SLC30A7: variants seen among roughly 807,000 people sequenced by gnomAD.
SLC30A7 encodes zinc transporter 7.
Under a neutral mutation model 46.0 loss-of-function variants are expected in SLC30A7, and 35 were observed. The ratio of observed to expected loss-of-function variants is 0.76; its 90% CI spans 0.58 to 1.01. The LOEUF (loss-of-function observed/expected upper bound fraction) is 1.01. SLC30A7 is among the 50% of genes least tolerant of loss of function. The pLI, the probability that SLC30A7 is intolerant of heterozygous loss-of-function variation, is 0.00. For missense variants in SLC30A7, 464 were observed against 451.1 expected (o/e 1.03, Z -0.26); for synonymous variants, 147 against 157.8 (o/e 0.93, Z 0.51).
At chr1:100,906,237 A>G (rs749053044) in intron 2 of SLC30A7, among the ~76,000 whole-genome samples, 18 of 152,096 alleles carry the variant, frequency 1.2e-4, no homozygotes, top group Non-Finnish European at 1.5e-4. Context: ...AGTTCTGCAC[A>G]TATCTCTTTG....
At chr1:100,904,772 T>C (rs892785823) in intron 2 of SLC30A7, among the ~76,000 whole-genome samples, 5 of 152,210 alleles carry the variant, frequency 3.3e-5, no homozygotes, top group African/African-American at 1.2e-4. Flanking sequence ...CTGCTGTTGC[T>C]TGTTACTCAG....
intron 8 of SLC30A7, among the ~76,000 whole-genome samples, chr1:100,952,868 T>C (rs1407411662): frequency 6.6e-6 from 1 of 152,232 alleles, no homozygotes; most frequent in Non-Finnish European, 1.5e-5. Flanking sequence ...GAGGAAATGA[T>C]AGGGTTTGAA....
At chr1:100,931,091 A>G (rs1653638290) in intron 8 of SLC30A7, among the ~76,000 whole-genome samples, 2 of 152,134 alleles carry the variant, frequency 1.3e-5, no homozygotes, top group South Asian at 2.1e-4. Context: ...GGGTTTTATA[A>G]TACTGGAAAG....
the SLC30A7 span, among the ~76,000 whole-genome samples, chr1:100,988,790 C>T: frequency 6.6e-6 from 1 of 151,954 alleles, no homozygotes; most frequent in South Asian, 2.1e-4. Context: ...GCAGAGGTTG[C>T]AGTGAGCCAA....
chr1:100,899,541 C>T (rs1005596131), intron 2 of SLC30A7, among the ~76,000 whole-genome samples: 1 of 152,034 alleles, frequency 6.6e-6, no homozygotes, highest in Non-Finnish European at 1.5e-5. Flanking sequence ...TTTCAAGTTA[C>T]AGAAAAACTC....
rs188791561 is a variant in SLC30A7, at chr1:100,933,129, T to C, written c.842+11288T>C. Among the ~76,000 whole-genome samples the C allele has an allele frequency of 6.5e-3, 990 of 151,498 alleles. 17 individuals are homozygous for C. Among genetic ancestry groups the C allele is most frequent in the African/African-American group, 0.021 (862 of 41,308 alleles). On this transcript the variant is annotated intron_variant, in intron 8 of 10. Coordinates refer to ENST00000357650, the MANE Select transcript of SLC30A7 (RefSeq NM_133496.5). ...TAGCTGGGATTACAGGCGTGCACCA[T>C]CACACCCAGCTAATTTTTGTATTTT...
intron 8 of SLC30A7, among the ~76,000 whole-genome samples, chr1:100,945,717 A>G (rs1418751313): frequency 6.6e-6 from 1 of 152,060 alleles, no homozygotes. Flanking sequence ...AAGTCAGGTA[A>G]CGTGATGCCT....
chr1:100,993,553 A>AATATAAATATATATATATATAT, the SLC30A7 span, among the ~76,000 whole-genome samples: 7 of 35,912 alleles, frequency 1.9e-4, no homozygotes, highest in African/African-American at 6.1e-4. Flanking sequence ...CTCTGTCGAA[A>AATATAAATATATATATATATAT]ATATAAATAT....
At chr1:100,995,393 A>C in the SLC30A7 span, 4 of 386,284 alleles carry the variant, frequency 1.0e-5, no homozygotes, top group South Asian at 1.2e-4. Context: ...TTTGGAAAAG[A>C]AGACAAGGGA....
intron 8 of SLC30A7, among the ~76,000 whole-genome samples, chr1:100,957,580 T>G (rs1655293022): frequency 6.6e-6 from 1 of 152,068 alleles, no homozygotes; most frequent in Non-Finnish European, 1.5e-5. Context: ...GTGATTTGCT[T>G]AAAGCTATTT....
chr1:100,906,904 T>G lies in SLC30A7; in HGVS notation c.235T>G (p.Leu79Val), dbSNP rs772863334. 5 of 1,613,586 alleles carry G rather than the reference T, an allele frequency of 3.1e-6. No individual in the cohort carries two copies. The highest frequency in any genetic ancestry group is 8.5e-7 in the Non-Finnish European group (1 of 1,179,704). ...FHMFFDSTAI[L>V]AGLAASVISK... ...CATGTTTTTCGATAGCACTGCCATT[T>G]TGGCTGGACTGGCAGCTTCTGTTAT... is the stretch of plus-strand genomic sequence containing the variant. The change falls in exon 3 of 11, where the codon TTG (leucine) becomes GTG (valine). Residue 79 changes from leucine to valine, a missense_variant. Physicochemically the swap from Leu to Val is conservative, Grantham distance 32. Coordinates refer to ENST00000357650, the MANE Select transcript of SLC30A7 (RefSeq NM_133496.5).
intron 10 of SLC30A7, among the ~76,000 whole-genome samples, chr1:100,970,036 T>G (rs1158440166): frequency 6.6e-6 from 1 of 152,196 alleles, no homozygotes; most frequent in Admixed American, 6.5e-5. Flanking sequence ...TTACATCTTA[T>G]AAATTTTACT....
chr1:100,969,940 T>C (rs1656067534), intron 10 of SLC30A7, among the ~76,000 whole-genome samples: 1 of 152,202 alleles, frequency 6.6e-6, no homozygotes. Flanking sequence ...GCATGGTCCT[T>C]ATGCAATTAG....
intron 10 of SLC30A7, 51 bp from the exon 11 acceptor site, chr1:100,974,759 G>A (rs779799507): frequency 1.3e-5 from 17 of 1,332,734 alleles, no homozygotes; most frequent in Admixed American, 2.0e-5. Context: ...AAATGTGTAG[G>A]GTGTTATTAG....
chr1:100,913,837 C>T (rs1011092709), intron 6 of SLC30A7, 31 bp downstream of exon 6: 3 of 1,577,610 alleles, frequency 1.9e-6, no homozygotes, highest in Non-Finnish European at 2.6e-6. Flanking sequence ...AATGGACAGC[C>T]TCCAAATAAA....
the SLC30A7 span, chr1:100,990,674 A>G: frequency 6.4e-6 from 10 of 1,573,606 alleles, no homozygotes; most frequent in Non-Finnish European, 8.7e-6. Flanking sequence ...CAGCAAATGC[A>G]TCATCCATCC....
intron 10 of SLC30A7, among the ~76,000 whole-genome samples, chr1:100,968,974 G>A (rs1656008687): frequency 6.6e-6 from 1 of 152,192 alleles, no homozygotes; most frequent in Non-Finnish European, 1.5e-5. Flanking sequence ...ATCTTAATGA[G>A]ATCTAAAATC....
At chr1:100,907,833 T>G (rs1351892205) in intron 3 of SLC30A7, among the ~76,000 whole-genome samples, 1 of 152,056 alleles carries the variant, frequency 6.6e-6, no homozygotes, top group Admixed American at 6.6e-5. Context: ...TATCTTCTCC[T>G]GAACTCCCTT....
chr1:100,972,685 TA>T (rs1656226187), intron 10 of SLC30A7: 2 of 152,284 alleles, frequency 1.3e-5, no homozygotes, highest in Admixed American at 1.3e-4. Flanking sequence ...GTTTGATATA[TA>T]AGAATTTTTA....
Sources: allele counts gnomAD v4.1 joint callset (sites outside exome capture counted in the v4.1 genomes callset), GRCh38; gene constraint gnomAD v4.1.1; transcripts MANE v1.5; gene names NCBI Gene and HGNC (gene_info 2026-07-23, HGNC 2026-07-21).